Variants in DPP6 observed in about 807,000 individuals in gnomAD.
The protein encoded by DPP6 is A-type potassium channel modulatory protein DPP6.
A neutral mutation model predicts 122.6 loss-of-function variants in DPP6; 69 were observed. The ratio of observed to expected loss-of-function variants is 0.56; its 90% CI spans 0.46 to 0.69. The LOEUF (loss-of-function observed/expected upper bound fraction) is 0.69. DPP6 is among the 30% of genes least tolerant of loss of function. DPP6 has a pLI of 0.00. For synonymous variants in DPP6, 418 were observed against 433.1 expected, an observed-to-expected ratio of 0.97 and a Z score of 0.43; for missense variants, 928 against 1,116.9, an observed-to-expected ratio of 0.83 and a Z score of 2.41.
intron 1 of DPP6, among the ~76,000 whole-genome samples, chr7:154,044,335 A>G (rs1799913298): frequency 6.6e-6 from 1 of 152,208 alleles, no homozygotes; most frequent in Non-Finnish European, 1.5e-5. Context: ...AGTGAATTAA[A>G]TTACCCACAA....
intron 1 of DPP6, among the ~76,000 whole-genome samples, chr7:154,165,021 TATA>T (rs1797173566): frequency 6.8e-6 from 1 of 147,728 alleles, no homozygotes; most frequent in Non-Finnish European, 1.5e-5. Context: ...TTTCTTTTAT[TATA>T]CTTTAAGTTT....
At chr7:154,170,489 C>T (rs10275543) in intron 1 of DPP6, among the ~76,000 whole-genome samples, 62,003 of 152,112 alleles carry the variant, frequency 0.41, 13,973 homozygotes, top group East Asian at 0.6. Flanking sequence ...CGACCTCGCC[C>T]AACCCTGGGC....
intron 16 of DPP6, among the ~76,000 whole-genome samples, chr7:154,839,077 A>G (rs1480937549): frequency 6.6e-6 from 1 of 152,228 alleles, no homozygotes; most frequent in Non-Finnish European, 1.5e-5. Context: ...CCTTGATTAA[A>G]TAGTAATAAG....
the DPP6 span, among the ~76,000 whole-genome samples, chr7:153,833,188 T>C: frequency 0.24 from 35,937 of 152,158 alleles, 4,767 homozygotes; most frequent in African/African-American, 0.37. Flanking sequence ...TCAGTGGAAC[T>C]GCATGCACGC....
chr7:154,658,576 A>G (rs1837419388), intron 6 of DPP6, among the ~76,000 whole-genome samples: 1 of 152,150 alleles, frequency 6.6e-6, no homozygotes, highest in African/African-American at 2.4e-5. Context: ...ACCCTGGGCC[A>G]AGCTGGAGCC....
intron 5 of DPP6, among the ~76,000 whole-genome samples, chr7:154,582,377 C>T (rs575248389): frequency 3.9e-5 from 6 of 152,326 alleles, no homozygotes; most frequent in Non-Finnish European, 7.4e-5. Flanking sequence ...TTGTGATGGG[C>T]TCCATTTATC....
intron 1 of DPP6, among the ~76,000 whole-genome samples, chr7:153,985,578 A>G (rs1461222247): frequency 1.3e-5 from 2 of 152,214 alleles, no homozygotes; most frequent in African/African-American, 4.8e-5. Context: ...AAGGAAAGAA[A>G]GAGTTGGGGT....
At chr7:154,176,650 A>G (rs1016036373) in intron 1 of DPP6, among the ~76,000 whole-genome samples, 2 of 152,108 alleles carry the variant, frequency 1.3e-5, no homozygotes, top group Admixed American at 6.5e-5. Flanking sequence ...GCAAATCTCA[A>G]GCCTTTGTCC....
intron 1 of DPP6, among the ~76,000 whole-genome samples, chr7:154,195,289 T>A (rs1798808781): frequency 6.6e-6 from 1 of 152,188 alleles, no homozygotes; most frequent in African/African-American, 2.4e-5. Flanking sequence ...ATAAATGACT[T>A]GCAAAGCCAC....
chr7:153,965,903 T>A (rs1364326206), intron 1 of DPP6, among the ~76,000 whole-genome samples: 1 of 151,926 alleles, frequency 6.6e-6, no homozygotes, highest in Non-Finnish European at 1.5e-5. Flanking sequence ...TGCTTTCAGA[T>A]GGGGCCGGTG....
chr7:154,612,723 T>C (rs1321750461), intron 5 of DPP6, among the ~76,000 whole-genome samples: 1 of 152,250 alleles, frequency 6.6e-6, no homozygotes, highest in Non-Finnish European at 1.5e-5. Flanking sequence ...AAACAGTCAC[T>C]GTTTCCCAGA....
chr7:153,983,027 G>A (rs762506225), intron 1 of DPP6, among the ~76,000 whole-genome samples: 7 of 152,318 alleles, frequency 4.6e-5, no homozygotes, highest in Admixed American at 3.3e-4. Context: ...CGGGGGTGAG[G>A]GACCCACTTG....
At position 154,619,304 on chromosome 7, in the gene DPP6, T is replaced by C. The variant is rs1428264158; in HGVS notation, c.628-18517T>C. On this transcript the variant is annotated intron_variant, in intron 5 of 25. Transcript: ENST00000377770. ...CACCTGTTAACTGCCTACTAGTATC[T>C]TCAAATCAACGTAAGCCTCGTAGCG... 2.6e-5 allele frequency among the ~76,000 whole-genome samples: 4 copies of C among 152,350 alleles called. No homozygotes were observed. The East Asian group carries it at 5.8e-4, about 22-fold the overall frequency.
intron 1 of DPP6, among the ~76,000 whole-genome samples, chr7:154,003,305 C>T (rs1457712928): frequency 3.9e-5 from 6 of 152,108 alleles, no homozygotes. Context: ...ATGTGTGTGT[C>T]CCAGATAACA....
intron 1 of DPP6, among the ~76,000 whole-genome samples, chr7:154,203,359 C>CTACA (rs2150790212): frequency 6.6e-6 from 1 of 152,300 alleles, no homozygotes; most frequent in African/African-American, 2.4e-5. Context: ...CCAGTATCCT[C>CTACA]TACATGCCAC....
At chr7:153,843,286 A>G in the DPP6 span, among the ~76,000 whole-genome samples, 1 of 152,112 alleles carries the variant, frequency 6.6e-6, no homozygotes, top group African/African-American at 2.4e-5. Context: ...GCGCGCACAC[A>G]CACACACACA....
intron 1 of DPP6, among the ~76,000 whole-genome samples, chr7:154,114,975 C>T (rs1325617039): frequency 6.6e-6 from 1 of 152,194 alleles, no homozygotes; most frequent in East Asian, 1.9e-4. Context: ...CATCGGCCGC[C>T]TCATGGGCAT....
In DPP6 at chr7:154,600,422, C is replaced by G. The variant is rs1269237866; in HGVS notation, c.627+33506C>G. 4.1e-5 allele frequency among the ~76,000 whole-genome samples: 5 copies of G among 121,070 alleles called. 1 individual carries two copies. Among genetic ancestry groups the G allele is most frequent in the African/African-American group, 1.3e-4 (5 of 37,984 alleles). 79.4% of individuals were successfully genotyped at this position (121,070 alleles called of 152,430 possible). ...GGGATTACAGGCGTGAGCCACCATG[C>G]CCGGCCCTTTTATGTAATCTCTTAT... On this transcript the variant is annotated intron_variant, in intron 5 of 25. Transcript: ENST00000377770.
Position 154,541,788 on chromosome 7 carries a change from T to C in DPP6, c.552+1162T>C, listed in dbSNP as rs548947525. On this transcript the variant is annotated intron_variant, in intron 4 of 25. Transcript: ENST00000377770. Reference sequence around the variant, plus strand: ...TATAATCCGGGATTAGAGGAGGTTGTAAAAAAAATTAACCGGTTCCCTGGT... The same window carrying C: ...TATAATCCGGGATTAGAGGAGGTTGCAAAAAAAATTAACCGGTTCCCTGGT... 2.0e-5 allele frequency among the ~76,000 whole-genome samples: 3 copies of C among 152,108 alleles called. No homozygotes were observed. In the East Asian group the frequency reaches 5.8e-4, roughly 29 times the overall value.
Sources: allele counts gnomAD v4.1 joint callset (sites outside exome capture counted in the v4.1 genomes callset), GRCh38; gene constraint gnomAD v4.1.1; transcripts MANE v1.5; gene names NCBI Gene and HGNC (gene_info 2026-07-23, HGNC 2026-07-21).